Variants in LAMA5 observed in about 807,000 individuals in gnomAD.
LAMA5 encodes the protein laminin subunit alpha 5, also known as laminin subunit alpha-5.
LAMA5 carries 260 observed loss-of-function variants against 433.4 expected under a neutral mutation model. The ratio of observed to expected loss-of-function variants is 0.60; its 90% CI spans 0.54 to 0.66. LAMA5 has a LOEUF of 0.66. LAMA5 is among the 30% of genes least tolerant of loss of function. The probability of loss-of-function intolerance (pLI) is 0.00; values close to 1 mark genes in which losing one functional copy is unlikely to be tolerated. For missense variants in LAMA5, 5,378 were observed against 5,258.5 expected (o/e 1.02, Z -0.70); for synonymous variants, 2,620 against 2,226.6 (o/e 1.18, Z -4.97).
At chr20:62,334,734 G>GGGCTCAA (rs1158639822) in intron 20 of LAMA5, 113 bp from the exon 21 acceptor site, 78 of 645,518 alleles carry the variant, frequency 1.2e-4, no homozygotes, top group Non-Finnish European at 1.8e-4. Flanking sequence ...TGGAGAGTCA[G>GGGCTCAA]GGCTCAGGGC....
chr20:62,318,923 C>T lies in LAMA5; in HGVS notation c.6962G>A (p.Arg2321Gln), dbSNP rs141245936. The T allele has an allele frequency of 0.012, 18,757 of 1,601,464 alleles. 187 individuals carry two copies. Among genetic ancestry groups the T allele is most frequent in the Admixed American group, 0.056 (3,294 of 58,556 alleles). ...QLLRTLAEVE[R>Q]LLWEMRARDL... is the part of the protein sequence containing the mutation. ...CCGGGCCCGCATCTCCCAGAGCAGC[C>T]GCTCCACCTCGGCCAGTGTCCGGAG... Residue 2321 changes from arginine (R) to glutamine (Q), a missense_variant, in exon 52 of 80, where the codon CGG becomes CAG. Transcript: ENST00000252999.
At position 62,323,580 on chromosome 20, in the gene LAMA5, G is replaced by A. The variant is rs1978720955; in HGVS notation, c.5940C>T (p.Leu1980=). ...CCGTCAGGGGGTCGCAGTCGCTGAA[G>A]AGCAAGTTGGGGTCACCGTTGCCGC... The part of the protein sequence containing the change: ...DCSGNGDPNL[L]FSDCDPLTGA... The change falls in exon 45 of 80, where the codon CTC becomes CTT. Residue 1980 remains leucine, a synonymous_variant. Transcript: ENST00000252999. 1 of 1,609,312 alleles carries A rather than the reference G, an allele frequency of 6.2e-7. No individual in the cohort carries two copies. The highest frequency in any genetic ancestry group is 8.5e-7 in the Non-Finnish European group (1 of 1,178,854).
Position 62,323,814 on chromosome 20 carries a change from G to A in LAMA5, c.5811C>T (p.Cys1937=), listed in dbSNP as rs760189279. Residue 1937 remains cysteine (C), a synonymous_variant, in exon 44 of 80, where the codon TGC becomes TGT. Coordinates refer to ENST00000252999, the MANE Select transcript of LAMA5 (RefSeq NM_005560.6). Reference sequence around the variant, plus strand: ...CACCTGCATAACCAGGTTTGCAGAGGCACTGGGTGCGGCCGCCTCGCAGGA... The same window carrying A: ...CACCTGCATAACCAGGTTTGCAGAGACACTGGGTGCGGCCGCCTCGCAGGA... The part of the protein sequence containing the change: ...GCVLRGGRTQ[C]LCKPGYAGAS... 1.2e-6 allele frequency: 2 copies of A among 1,610,670 alleles called. No individual in the cohort carries two copies. Among genetic ancestry groups the A allele is most frequent in the Non-Finnish European group, 1.7e-6 (2 of 1,179,024 alleles).
Position 62,310,419 on chromosome 20 carries a change from C to G in LAMA5, c.10600G>C (p.Asp3534His). The G allele has an allele frequency of 6.2e-7, 1 of 1,602,308 alleles. No homozygotes were observed. Among genetic ancestry groups the G allele is most frequent in the Non-Finnish European group, 8.5e-7 (1 of 1,175,620 alleles). The change falls in exon 76 of 80, where the codon GAC (aspartate) becomes CAC (histidine). Residue 3534 changes from aspartate (D) to histidine (H), a missense_variant and splice_region_variant. Coordinates refer to ENST00000252999, the MANE Select transcript of LAMA5 (RefSeq NM_005560.6). ...GCCTGGGATGCCAGCACCCACAGACCTAAAGTGATAACTCCCCCGCTGCCT... is the reference window on the plus strand; with the variant it reads ...GCCTGGGATGCCAGCACCCACAGACGTAAAGTGATAACTCCCCCGCTGCCT... ...FPGSGGVITLDLPGATLPDVG... is the reference protein window; with the variant it reads ...FPGSGGVITLHLPGATLPDVG...
intron 57 of LAMA5, 171 bp from the exon 58 acceptor site, chr20:62,316,229 C>A (rs1986915769): frequency 1.6e-6 from 1 of 612,254 alleles, no homozygotes; most frequent in Non-Finnish European, 2.9e-6. Context: ...TGAGTCTCAG[C>A]GTAGCCTCTG....
Position 62,328,917 on chromosome 20 carries a change from G to A in LAMA5, c.4374C>T (p.Pro1458=), listed in dbSNP as rs1172078816. 9 of 1,611,718 alleles carry A rather than the reference G, an allele frequency of 5.6e-6. No individual in the cohort carries two copies. Among genetic ancestry groups the A allele is most frequent in the South Asian group, 1.1e-5 (1 of 91,002 alleles). Residue 1458 remains proline, a synonymous_variant, in exon 34 of 80, where the codon CCC becomes CCT. Transcript: ENST00000252999. The part of the protein sequence containing the change: ...PTCEPFGGQC[P]CHAHVIGRDC... Reference sequence around the variant, plus strand: ...CACGGCCAATGACATGGGCATGGCAGGGACACTGGCCCCCGAAGGGCTCAC... The same window carrying A: ...CACGGCCAATGACATGGGCATGGCAAGGACACTGGCCCCCGAAGGGCTCAC...
intron 6 of LAMA5, among the ~76,000 whole-genome samples, chr20:62,348,100 G>A (rs1409045393): frequency 6.6e-6 from 1 of 152,182 alleles, no homozygotes; most frequent in African/African-American, 2.4e-5. Context: ...TAGGAAAAGT[G>A]GTGCCGGGCT....
intron 23 of LAMA5, 26 bp downstream of exon 23, chr20:62,333,875 G>A: frequency 1.3e-6 from 2 of 1,543,294 alleles, no homozygotes; most frequent in South Asian, 1.2e-5. Context: ...GTGGGGCAGG[G>A]GCTGTGGCCC....
chr20:62,345,679 G>C (rs1983249380), intron 11 of LAMA5, 139 bp downstream of exon 11: 1 of 666,328 alleles, frequency 1.5e-6, no homozygotes, highest in Non-Finnish European at 2.6e-6. Flanking sequence ...AGTGTGAATA[G>C]GCATAATTTG....
intron 28 of LAMA5, among the ~76,000 whole-genome samples, chr20:62,332,038 T>G (rs1601350709): frequency 1.4e-5 from 2 of 144,248 alleles, no homozygotes; most frequent in African/African-American, 2.6e-5. Flanking sequence ...GGCGACAGAG[T>G]GAGACTCCAT....
chr20:62,322,018 C>T lies in LAMA5; in HGVS notation c.6496+1G>A. On this transcript the variant is annotated splice_donor_variant, in intron 48 of 79. Coordinates refer to ENST00000252999, the MANE Select transcript of LAMA5 (RefSeq NM_005560.6). LOFTEE classifies it high-confidence loss of function. Reference sequence around the variant, plus strand: ...GGGGAAGTGGGGTGTTGAGGACACACCTTCACAGTGGATGCTGTGGCCCAC... The same window carrying T: ...GGGGAAGTGGGGTGTTGAGGACACATCTTCACAGTGGATGCTGTGGCCCAC... 1.3e-6 allele frequency: 2 copies of T among 1,598,334 alleles called. No homozygotes were observed. Among genetic ancestry groups the T allele is most frequent in the Non-Finnish European group, 1.7e-6 (2 of 1,179,234 alleles).
Position 62,330,947 on chromosome 20 carries a change from G to A in LAMA5, c.3651-3C>T, listed in dbSNP as rs773701418. On this transcript the variant is annotated splice_region_variant and splice_polypyrimidine_tract_variant and intron_variant, in intron 29 of 79. Coordinates refer to ENST00000252999, the MANE Select transcript of LAMA5 (RefSeq NM_005560.6). ...AGCGCGAGGGCAGACAGGCGGCACTGGTGAGAGCACAGTGGGTGAGTCAGA... is the reference window on the plus strand; with the variant it reads ...AGCGCGAGGGCAGACAGGCGGCACTAGTGAGAGCACAGTGGGTGAGTCAGA... The A allele has an allele frequency of 1.9e-6, 3 of 1,554,004 alleles. No individual in the cohort carries two copies. Among genetic ancestry groups the A allele is most frequent in the Non-Finnish European group, 2.6e-6 (3 of 1,149,070 alleles).
chr20:62,349,066 G>A (rs111267679), intron 6 of LAMA5, among the ~76,000 whole-genome samples: 1,595 of 151,976 alleles, frequency 0.01, 24 homozygotes, highest in African/African-American at 0.035. Context: ...TCAGGAGATC[G>A]AGACCATCTT....
chr20:62,358,199 G>A (rs1985524977), intron 2 of LAMA5, among the ~76,000 whole-genome samples: 1 of 152,160 alleles, frequency 6.6e-6, no homozygotes, highest in Non-Finnish European at 1.5e-5. Context: ...GGGGAGAGGA[G>A]CGGCCCCATC....
intron 16 of LAMA5, among the ~76,000 whole-genome samples, chr20:62,337,375 G>A (rs1271162759): frequency 6.6e-6 from 1 of 152,202 alleles, no homozygotes; most frequent in South Asian, 2.1e-4. Flanking sequence ...TACGAGACAC[G>A]ACAGGCGCGG....
intron 58 of LAMA5, among the ~76,000 whole-genome samples, 169 bp downstream of exon 58, chr20:62,315,779 T>C (rs1265031919): frequency 6.6e-6 from 1 of 152,230 alleles, no homozygotes; most frequent in Non-Finnish European, 1.5e-5. Flanking sequence ...CTGTGCTATC[T>C]GCAGCCCTGG....
At position 62,337,683 on chromosome 20, in the gene LAMA5, G is replaced by C. The variant is rs779268925; in HGVS notation, c.2071C>G (p.Pro691Ala). The C allele has an allele frequency of 6.2e-7, 1 of 1,611,952 alleles. No homozygotes were observed. Among genetic ancestry groups the C allele is most frequent in the Admixed American group, 1.7e-5 (1 of 59,954 alleles). Residue 691 changes from proline (P) to alanine (A), a missense_variant, in exon 16 of 80, where the codon CCC becomes GCC. Pro to Ala is a conservative substitution (Grantham distance 27). Coordinates refer to ENST00000252999, the MANE Select transcript of LAMA5 (RefSeq NM_005560.6). ...AEGSLHAACD[P>A]RSGQCSCRPR... ...CGGCAGCTGCACTGCCCACTCCGGGGGTCACAGGCTGCGTGCAGGGAGCCT... is the reference window on the plus strand; with the variant it reads ...CGGCAGCTGCACTGCCCACTCCGGGCGTCACAGGCTGCGTGCAGGGAGCCT...
Position 62,356,648 on chromosome 20 carries a change from CA to C in LAMA5, c.451-3398del, listed in dbSNP as rs1271338280. On this transcript the variant is annotated intron_variant, in intron 2 of 79. Transcript: ENST00000252999. ...CCTCTGCCCGGTGACCACTGCCTCACAGGGGGTGGGCAAGAGCCCCAGGAGT... is the reference window on the plus strand; with the variant it reads ...CCTCTGCCCGGTGACCACTGCCTCACGGGGGTGGGCAAGAGCCCCAGGAGT... Among the ~76,000 whole-genome samples, 7 of 152,244 alleles carry C rather than the reference CA, an allele frequency of 4.6e-5. No homozygotes were observed. The East Asian group carries it at 1.4e-3, about 29-fold the overall frequency.
chr20:62,349,821 GGTGATGGTGGGGGTGATGAT>G, intron 6 of LAMA5, among the ~76,000 whole-genome samples: 1 of 130,802 alleles, frequency 7.6e-6, no homozygotes, highest in Non-Finnish European at 1.7e-5. Context: ...GGGTGATGAC[GGTGATGGTGGGGGTGATGAT>G]GGTGGGAGTG....
Sources: gnomAD v4.1 joint callset for allele counts (sites outside exome capture counted in the v4.1 genomes callset) on GRCh38, gnomAD v4.1.1 for gene constraint, MANE v1.5 for transcripts, NCBI Gene and HGNC (gene_info 2026-07-23, HGNC 2026-07-21) for gene names.